SLC9A4: variants seen among roughly 807,000 people sequenced by gnomAD.
The protein encoded by SLC9A4 is solute carrier family 9 member A4, also known as sodium/hydrogen exchanger 4.
Under a neutral mutation model 67.4 loss-of-function variants are expected in SLC9A4, and 63 were observed. The observed-to-expected ratio is 0.93, with a 90% confidence interval of 0.76 to 1.15. The LOEUF (loss-of-function observed/expected upper bound fraction) is 1.15. Ranked by LOEUF, SLC9A4 falls within the 50% of genes most tolerant of loss-of-function variation. SLC9A4 has a pLI of 0.00. For missense variants in SLC9A4, 1,089 were observed against 987.7 expected (o/e 1.10, Z -1.38); for synonymous variants, 393 against 367.2 (o/e 1.07, Z -0.80).
At chr2:102,485,618 G>A (rs1684571494) in intron 2 of SLC9A4, among the ~76,000 whole-genome samples, 1 of 152,150 alleles carries the variant, frequency 6.6e-6, no homozygotes, top group African/African-American at 2.4e-5. Context: ...ATGGAGCATT[G>A]CGGAGGGGGC....
chr2:102,477,165 T>A (rs1684351990), intron 1 of SLC9A4, among the ~76,000 whole-genome samples: 1 of 152,206 alleles, frequency 6.6e-6, no homozygotes, highest in Non-Finnish European at 1.5e-5. Context: ...TTCCATTATT[T>A]GTTTCAAAAT....
In SLC9A4 at chr2:102,479,059, G is replaced by T. The variant is rs757798582; in HGVS notation, c.477G>T (p.Leu159=). ...TCTTTGAGAACATCGGCTCCATCCT[G>T]TGGTGGGCAGTATTGGGGGCCCTGA... ...RPFFENIGSI[L]WWAVLGALIN... is the part of the protein sequence containing the mutation. Residue 159 remains leucine, a synonymous_variant, in exon 2 of 12, where the codon CTG becomes CTT. Transcript: ENST00000295269. The T allele has an allele frequency of 1.9e-6, 3 of 1,614,162 alleles. No individual in the cohort carries two copies. The highest frequency in any genetic ancestry group is 2.5e-6 in the Non-Finnish European group (3 of 1,180,050).
At chr2:102,528,700 C>G (rs2104451168) in intron 11 of SLC9A4, among the ~76,000 whole-genome samples, 2 of 152,282 alleles carry the variant, frequency 1.3e-5, no homozygotes, top group South Asian at 4.1e-4. Context: ...AAGTACAATA[C>G]ACCTTGCAAA....
rs141817292 is a variant in SLC9A4 at position 102,503,455 on chromosome 2, A to G, written c.728A>G (p.Tyr243Cys). 6 of 1,607,438 alleles carry G rather than the reference A, an allele frequency of 3.7e-6. No individual in the cohort carries two copies. The highest frequency in any genetic ancestry group is 5.1e-6 in the Non-Finnish European group (6 of 1,175,408). ...LLNDGITVVL[Y>C]NMLIAFTKMH... ...ACTCTCTTTTTTGCCTAGGTCTTAT[A>G]CAATATGTTAATTGCCTTTACAAAG... Residue 243 changes from tyrosine to cysteine, a missense_variant, in exon 3 of 12, where the codon TAC becomes TGC. Physicochemically the swap from Tyr to Cys is radical, Grantham distance 194. Coordinates refer to ENST00000295269, the MANE Select transcript of SLC9A4 (RefSeq NM_001011552.4).
chr2:102,477,099 T>A (rs937824802), intron 1 of SLC9A4, among the ~76,000 whole-genome samples: 7 of 152,196 alleles, frequency 4.6e-5, no homozygotes, highest in African/African-American at 1.7e-4. Flanking sequence ...ATTTGCTGGC[T>A]CCCCATGGCC....
rs778659828 is a variant in SLC9A4, at chr2:102,479,327, C to A, written c.720+25C>A. ...GGTGAGATGTCATGTGCCCGCCCGG[C>A]TTCCGGGGGAGATGAGGGTTCGGGG... On this transcript the variant is annotated intron_variant, in intron 2 of 11. Coordinates refer to ENST00000295269, the MANE Select transcript of SLC9A4 (RefSeq NM_001011552.4). 1.0e-5 allele frequency: 16 copies of A among 1,579,640 alleles called. No homozygotes were observed. In the East Asian group the frequency reaches 3.6e-4, roughly 36 times the overall value.
In SLC9A4 at chr2:102,533,161, T is replaced by C. The variant is rs1471321748; in HGVS notation, c.*473T>C. The C allele has an allele frequency of 3.2e-5, 5 of 154,294 alleles. No individual in the cohort carries two copies. Among genetic ancestry groups the C allele is most frequent in the African/African-American group, 1.2e-4 (5 of 41,472 alleles). 9.6% of individuals were successfully genotyped at this position (154,294 alleles called of 1,614,324 possible). A position where few individuals can be genotyped will look rare whatever the true frequency, so the allele number is the denominator to read the frequency against. ...GTTGCATGGTGAGTTCACAGTCGGATTGTCCTCCCTCCAAACTGAAACTAA... is the reference window on the plus strand; with the variant it reads ...GTTGCATGGTGAGTTCACAGTCGGACTGTCCTCCCTCCAAACTGAAACTAA... On this transcript the variant is annotated 3_prime_UTR_variant, in exon 12 of 12. Transcript: ENST00000295269.
At chr2:102,528,404 CT>C (rs35953486) in intron 11 of SLC9A4, among the ~76,000 whole-genome samples, 92,077 of 148,030 alleles carry the variant, frequency 0.62, 28,587 homozygotes, top group Middle Eastern at 0.71. Context: ...ACAGTTCTTT[CT>C]TTTTTTTTTT....
chr2:102,532,963 A>G lies in SLC9A4; in HGVS notation c.*275A>G, dbSNP rs1026364113. The G allele has an allele frequency of 1.3e-5, 4 of 308,788 alleles. No homozygotes were observed. The highest frequency in any genetic ancestry group is 4.5e-5 in the Admixed American group (1 of 22,334). The allele number at this position is 308,788 out of a possible 1,614,324, so 19.1% of individuals were successfully genotyped here. A position where few individuals can be genotyped will look rare whatever the true frequency, so the allele number is the denominator to read the frequency against. ...AATTAGTCACTAAGAATTCCTAAGA[A>G]CTTTCTATCAAAAGCATTGGATCCA... On this transcript the variant is annotated 3_prime_UTR_variant, in exon 12 of 12. Coordinates refer to ENST00000295269, the MANE Select transcript of SLC9A4 (RefSeq NM_001011552.4).
At position 102,479,219 on chromosome 2, in the gene SLC9A4, G is replaced by C. The variant is rs1159551788; in HGVS notation, c.637G>C (p.Ala213Pro). 1 of 1,614,072 alleles carries C rather than the reference G, an allele frequency of 6.2e-7. No homozygotes were observed. The highest frequency in any genetic ancestry group is 1.3e-5 in the African/African-American group (1 of 74,944). The change falls in exon 2 of 12, where the codon GCC (alanine) becomes CCC (proline). Residue 213 changes from alanine to proline, a missense_variant. Physicochemically the swap from Ala to Pro is conservative, Grantham distance 27. Transcript: ENST00000295269. ...ISAVDPVAVLAVFEEARVNEQ... is the reference protein window; with the variant it reads ...ISAVDPVAVLPVFEEARVNEQ... ...CGCCGTGGACCCAGTGGCCGTGCTA[G>C]CCGTGTTTGAGGAAGCGCGCGTGAA...
chr2:102,520,730 C>T lies in SLC9A4; in HGVS notation c.1818+775C>T, dbSNP rs148873692. The stretch of plus-strand genomic sequence containing the variant: ...CTTAATGAAACTAAAACAAAATCAC[C>T]TAGGCAAAGCTCCCCATTTTCAAAG... On this transcript the variant is annotated intron_variant, in intron 9 of 11. Transcript: ENST00000295269. Among the ~76,000 whole-genome samples, 552 of 152,252 alleles carry T rather than the reference C, an allele frequency of 3.6e-3. 3 individuals carry two copies. The highest frequency in any genetic ancestry group is 0.012 in the African/African-American group (518 of 41,544).
intron 6 of SLC9A4, among the ~76,000 whole-genome samples, chr2:102,510,258 TACAG>T (rs1685136794): frequency 6.8e-6 from 1 of 147,262 alleles, no homozygotes; most frequent in Non-Finnish European, 1.5e-5. Flanking sequence ...CAGATACAGA[TACAG>T]ATACAGATAC....
intron 2 of SLC9A4, among the ~76,000 whole-genome samples, chr2:102,491,664 A>T (rs111282169): frequency 0.16 from 23,898 of 152,052 alleles, 2,243 homozygotes; most frequent in African/African-American, 0.26. Context: ...ATTCAAGATG[A>T]GATTTGGGTG....
chr2:102,519,784 G>A (rs1685361012), intron 8 of SLC9A4, 75 bp from the exon 9 acceptor site: 2 of 1,367,252 alleles, frequency 1.5e-6, no homozygotes, highest in Admixed American at 3.5e-5. Context: ...ACAGAGCAAG[G>A]CCCACTGATA....
At position 102,491,317 on chromosome 2, in the gene SLC9A4, C is replaced by CTT. The variant is rs61708027; in HGVS notation, c.720+12049_720+12050dup. Among the ~76,000 whole-genome samples the CTT allele has an allele frequency of 1.9e-3, 87 of 45,742 alleles. 5 individuals carry two copies. Among genetic ancestry groups the CTT allele is most frequent in the Non-Finnish European group, 2.7e-3 (66 of 24,500 alleles). The allele number at this position is 45,742 out of a possible 152,430, so 30.0% of individuals were successfully genotyped here. A position where few individuals can be genotyped will look rare whatever the true frequency, so the allele number is the denominator to read the frequency against. On this transcript the variant is annotated intron_variant, in intron 2 of 11. Transcript: ENST00000295269. ...ATTTCTCTTCCCATTTGTACTAATG[C>CTT]TTTTTTTTTTTTTTTTTTTTTTTTT...
intron 2 of SLC9A4, among the ~76,000 whole-genome samples, chr2:102,481,735 G>A (rs1684468195): frequency 6.6e-6 from 1 of 151,934 alleles, no homozygotes; most frequent in Admixed American, 6.6e-5. Flanking sequence ...CCCTATAAAA[G>A]TTCTAAATTT....
chr2:102,521,142 A>G (rs1236135872), intron 9 of SLC9A4, among the ~76,000 whole-genome samples: 1 of 152,216 alleles, frequency 6.6e-6, no homozygotes, highest in African/African-American at 2.4e-5. Context: ...GAGAGCCAGA[A>G]CCCATAGGGT....
chr2:102,526,175 A>C (rs1674661248), intron 10 of SLC9A4, 84 bp from the exon 11 acceptor site: 1 of 1,417,844 alleles, frequency 7.1e-7, no homozygotes, highest in South Asian at 1.2e-5. Context: ...GGCGTGAGCC[A>C]CAGTGTCTGG....
At chr2:102,483,295 A>G (rs995125557) in intron 2 of SLC9A4, among the ~76,000 whole-genome samples, 23 of 152,200 alleles carry the variant, frequency 1.5e-4, no homozygotes, top group African/African-American at 5.5e-4. Flanking sequence ...GAGAAGCCCC[A>G]GGGCCATATT....
Sources: allele counts gnomAD v4.1 joint callset (sites outside exome capture counted in the v4.1 genomes callset), GRCh38; gene constraint gnomAD v4.1.1; transcripts MANE v1.5; gene names NCBI Gene and HGNC (gene_info 2026-07-23, HGNC 2026-07-21).